EXOC6B: variants seen among roughly 807,000 people sequenced by gnomAD.
EXOC6B encodes SEC15 homolog B.
EXOC6B carries 54 observed loss-of-function variants against 113.5 expected under a neutral mutation model. That is an observed-to-expected ratio of 0.48 (90% CI 0.38 to 0.60). The LOEUF (loss-of-function observed/expected upper bound fraction) is 0.60. Among genes scored for constraint, EXOC6B ranks in the 20% least tolerant of loss-of-function variants. The pLI, the probability that EXOC6B is intolerant of heterozygous loss-of-function variation, is 0.00. For synonymous variants in EXOC6B, 357 were observed against 339.0 expected, an observed-to-expected ratio of 1.05 and a Z score of -0.58; for missense variants, 797 against 977.5, an observed-to-expected ratio of 0.82 and a Z score of 2.46.
At chr2:72,445,881 T>C (rs1696544387) in intron 18 of EXOC6B, among the ~76,000 whole-genome samples, 2 of 152,108 alleles carry the variant, frequency 1.3e-5, no homozygotes, top group Non-Finnish European at 2.9e-5. Flanking sequence ...CCAACAAGCA[T>C]ATGTAAAAAA....
chr2:72,384,423 G>GA lies in EXOC6B; in HGVS notation c.1981-4554dup, dbSNP rs576637800. Reference sequence around the variant, plus strand: ...TATAGCTAATGTCATACACAAAAGTGAAAAGCTGAAATCTTTTTTTTTAAG... The same window carrying GA: ...TATAGCTAATGTCATACACAAAAGTGAAAAAGCTGAAATCTTTTTTTTTAAG... On this transcript the variant is annotated intron_variant, in intron 18 of 21. Coordinates refer to ENST00000272427, the MANE Select transcript of EXOC6B (RefSeq NM_015189.3). 2.6e-3 allele frequency among the ~76,000 whole-genome samples: 400 copies of GA among 152,082 alleles called. 1 individual carries two copies. The highest frequency in any genetic ancestry group is 9.1e-3 in the African/African-American group (376 of 41,514).
chr2:72,591,145 T>A (rs1376950624), intron 6 of EXOC6B, among the ~76,000 whole-genome samples: 1 of 152,094 alleles, frequency 6.6e-6, no homozygotes, highest in Non-Finnish European at 1.5e-5. Context: ...CTATCAGAGT[T>A]AATCAAAATG....
chr2:72,738,980 A>G (rs1181925228), intron 2 of EXOC6B, among the ~76,000 whole-genome samples: 1 of 152,202 alleles, frequency 6.6e-6, no homozygotes, highest in Non-Finnish European at 1.5e-5. Flanking sequence ...ATGCTTATTT[A>G]TTTACATGTA....
At chr2:72,481,876 T>A (rs1172593027) in intron 16 of EXOC6B, among the ~76,000 whole-genome samples, 1 of 152,178 alleles carries the variant, frequency 6.6e-6, no homozygotes, top group Non-Finnish European at 1.5e-5. Context: ...TAAAGAAGAA[T>A]AACTATTATT....
chr2:72,607,674 G>T (rs1029404541), intron 6 of EXOC6B, among the ~76,000 whole-genome samples: 3 of 152,184 alleles, frequency 2.0e-5, no homozygotes, highest in Middle Eastern at 3.4e-3. Flanking sequence ...TTTTAATGGG[G>T]TTTACATGGT....
intron 18 of EXOC6B, among the ~76,000 whole-genome samples, chr2:72,411,038 G>A (rs566975182): frequency 2.0e-5 from 3 of 152,162 alleles, no homozygotes; most frequent in East Asian, 3.9e-4. Flanking sequence ...GTGAAACCCT[G>A]TCTCTACTAA....
intron 6 of EXOC6B, among the ~76,000 whole-genome samples, chr2:72,693,941 G>A (rs1677683466): frequency 6.6e-6 from 1 of 151,520 alleles, no homozygotes; most frequent in African/African-American, 2.4e-5. Context: ...TTAAGGAACT[G>A]ATGGTTTCTC....
At chr2:72,658,665 G>C (rs917595681) in intron 6 of EXOC6B, among the ~76,000 whole-genome samples, 2 of 152,024 alleles carry the variant, frequency 1.3e-5, no homozygotes, top group African/African-American at 4.8e-5. Flanking sequence ...AGAAAGAGAA[G>C]AGAGCTACAA....
rs1042859397 is a variant in EXOC6B, at chr2:72,515,513, G to C, written c.916-387C>G. On this transcript the variant is annotated intron_variant, in intron 8 of 21. Transcript: ENST00000272427. The stretch of plus-strand genomic sequence containing the variant: ...GAACATTCCAGAAGAAAAACATCAA[G>C]AATAAAAATGAATCATGAACAAAGG... 5 of 1,020,664 alleles carry C rather than the reference G, an allele frequency of 4.9e-6. No homozygotes were observed. In the African/African-American group the frequency reaches 6.9e-5, roughly 14 times the overall value. 63.2% of individuals were successfully genotyped at this position (1,020,664 alleles called of 1,614,324 possible).
At chr2:72,466,888 GA>G (rs1434318808) in intron 17 of EXOC6B, among the ~76,000 whole-genome samples, 2 of 152,052 alleles carry the variant, frequency 1.3e-5, no homozygotes, top group African/African-American at 4.8e-5. Context: ...CATTTTTCAA[GA>G]ATATAACACA....
chr2:72,527,293 A>G (rs1024381047), intron 8 of EXOC6B, among the ~76,000 whole-genome samples: 2 of 151,980 alleles, frequency 1.3e-5, no homozygotes, highest in Non-Finnish European at 2.9e-5. Flanking sequence ...GGAGTACGGA[A>G]AGGAGTATGT....
At chr2:72,762,242 C>CAAAAAAAA (rs557776288) in intron 1 of EXOC6B, among the ~76,000 whole-genome samples, 1 of 61,248 alleles carries the variant, frequency 1.6e-5, no homozygotes, top group Non-Finnish European at 3.3e-5. Flanking sequence ...GACTCCGTCT[C>CAAAAAAAA]AAAAAAAAAA....
chr2:72,621,673 A>G (rs2104190543), intron 6 of EXOC6B, among the ~76,000 whole-genome samples: 1 of 152,326 alleles, frequency 6.6e-6, no homozygotes, highest in Admixed American at 6.5e-5. Context: ...TATAAAAAGG[A>G]GGACAGATGA....
intron 6 of EXOC6B, among the ~76,000 whole-genome samples, chr2:72,677,795 C>T (rs1384688572): frequency 6.6e-6 from 1 of 152,138 alleles, no homozygotes; most frequent in Admixed American, 6.5e-5. Context: ...TGTAGAAAAT[C>T]CAAGCACATT....
rs149051631 is a variant in EXOC6B at position 72,747,061 on chromosome 2, A to AAG, written c.114-5594_114-5593dup. 1.5e-3 allele frequency among the ~76,000 whole-genome samples: 224 copies of AAG among 151,824 alleles called. 1 individual carries two copies. The highest frequency in any genetic ancestry group is 3.4e-3 in the Middle Eastern group (1 of 294). On this transcript the variant is annotated intron_variant, in intron 1 of 21. Transcript: ENST00000272427. Reference sequence around the variant, plus strand: ...CCAACACAAAGCTAAGTGGTTTAAAAAGAGAGAGAGAGAGACAAACTTCTA... The same window carrying AAG: ...CCAACACAAAGCTAAGTGGTTTAAAAAGAGAGAGAGAGAGAGACAAACTTCTA...
chr2:72,797,512 T>C (rs1289823654), intron 1 of EXOC6B, among the ~76,000 whole-genome samples: 1 of 152,140 alleles, frequency 6.6e-6, no homozygotes, highest in Non-Finnish European at 1.5e-5. Flanking sequence ...GGGAAAAGAC[T>C]AAGTAAAATA....
Position 72,566,364 on chromosome 2 carries a change from T to C in EXOC6B, c.847-6843A>G, listed in dbSNP as rs768004048. The stretch of plus-strand genomic sequence containing the variant: ...TATTGTTTCATGCATCTGCCGTTTA[T>C]TCCTTTTTATTTCAGAGTGGTACTT... On this transcript the variant is annotated intron_variant, in intron 7 of 21. Coordinates refer to ENST00000272427, the MANE Select transcript of EXOC6B (RefSeq NM_015189.3). Among the ~76,000 whole-genome samples the C allele has an allele frequency of 9.2e-5, 14 of 152,320 alleles. No individual in the cohort carries two copies. The South Asian group carries it at 1.2e-3, about 14-fold the overall frequency.
At chr2:72,252,138 T>TGAG (rs1683062902) in intron 20 of EXOC6B, among the ~76,000 whole-genome samples, 2 of 152,178 alleles carry the variant, frequency 1.3e-5, no homozygotes, top group Non-Finnish European at 2.9e-5. Flanking sequence ...ATTCTACTAC[T>TGAG]GAGTAGTATT....
Position 72,496,477 on chromosome 2 carries a change from A to G in EXOC6B, c.1420T>C (p.Phe474Leu). The part of the protein sequence containing the change: ...MYKKVVGQFP[F>L]QDIELEKQPF... ...ACCTTTTCCAGTTCTATATCTTGAA[A>G]TGGGAATTGTCCTACCACCTTTTTG... Residue 474 changes from phenylalanine to leucine, a missense_variant, in exon 14 of 22, where the codon TTT (phenylalanine) becomes CTT (leucine). Phe to Leu is a conservative substitution (Grantham distance 22, BLOSUM62 0). Coordinates refer to ENST00000272427, the MANE Select transcript of EXOC6B (RefSeq NM_015189.3). 1 of 1,596,476 alleles carries G rather than the reference A, an allele frequency of 6.3e-7. No homozygotes were observed. The highest frequency in any genetic ancestry group is 8.6e-7 in the Non-Finnish European group (1 of 1,168,348).
Sources: gnomAD v4.1 joint callset for allele counts (sites outside exome capture counted in the v4.1 genomes callset) on GRCh38, gnomAD v4.1.1 for gene constraint, MANE v1.5 for transcripts, NCBI Gene and HGNC (gene_info 2026-07-23, HGNC 2026-07-21) for gene names.